Variants in RFX7 observed in about 807,000 individuals in gnomAD.
RFX7 encodes DNA-binding protein RFX7.
In RFX7, 26 loss-of-function variants were observed where a neutral mutation model predicts 111.8. That is an observed-to-expected ratio of 0.23 (90% CI 0.17 to 0.32). The LOEUF (loss-of-function observed/expected upper bound fraction) is 0.32. RFX7 is among the 10% of genes least tolerant of loss of function. The pLI, the probability that RFX7 is intolerant of heterozygous loss-of-function variation, is 1.00. For synonymous variants in RFX7, 624 were observed against 624.4 expected (o/e 1.00, Z 0.01); for missense variants, 1,573 against 1,772.9 (o/e 0.89, Z 2.02).
At chr15:56,147,142 T>C (rs1424230248) in intron 3 of RFX7, among the ~76,000 whole-genome samples, 1 of 152,140 alleles carries the variant, frequency 6.6e-6, no homozygotes, top group Admixed American at 6.6e-5. Context: ...TCGTTGGTGG[T>C]CAAAAAAAAT....
intron 5 of RFX7, among the ~76,000 whole-genome samples, chr15:56,104,876 A>G (rs985445168): frequency 9.2e-5 from 14 of 152,210 alleles, no homozygotes; most frequent in Non-Finnish European, 2.1e-4. Context: ...ACTAATGCGT[A>G]CTGAAAGTTT....
chr15:56,214,381 T>C (rs1176262816), intron 2 of RFX7, among the ~76,000 whole-genome samples: 1 of 152,202 alleles, frequency 6.6e-6, no homozygotes, highest in Non-Finnish European at 1.5e-5. Flanking sequence ...TCCATTTATT[T>C]ATGCCTACAT....
At chr15:56,111,101 G>A (rs111648086) in intron 5 of RFX7, among the ~76,000 whole-genome samples, 1 of 133,586 alleles carries the variant, frequency 7.5e-6, no homozygotes, top group African/African-American at 2.7e-5. Context: ...CCCCTACTGG[G>A]AAGTGAGGAG....
chr15:56,245,003 G>C (rs1467096743), upstream of RFX7, among the ~76,000 whole-genome samples: 3 of 152,106 alleles, frequency 2.0e-5, no homozygotes, highest in Non-Finnish European at 4.4e-5. Flanking sequence ...ACCTTTCTTT[G>C]GGCCCGTGGG....
chr15:56,155,895 T>A (rs1254155186), intron 3 of RFX7, among the ~76,000 whole-genome samples: 1 of 152,112 alleles, frequency 6.6e-6, no homozygotes, highest in Non-Finnish European at 1.5e-5. Flanking sequence ...TAATTACATT[T>A]ATCAGAATGG....
chr15:56,237,141 T>C (rs1424914990), intron 2 of RFX7, among the ~76,000 whole-genome samples: 4 of 152,208 alleles, frequency 2.6e-5, no homozygotes, highest in Non-Finnish European at 5.9e-5. Context: ...AGTAACAGTG[T>C]TAGAATCTCA....
intron 5 of RFX7, among the ~76,000 whole-genome samples, chr15:56,109,970 A>G (rs1336488481): frequency 9.2e-4 from 79 of 85,862 alleles, no homozygotes; most frequent in South Asian, 2.3e-3. Context: ...AGGTGGGGGG[A>G]TCAGCCCCCT....
At chr15:56,179,625 A>G (rs1366964719) in intron 2 of RFX7, among the ~76,000 whole-genome samples, 1 of 152,256 alleles carries the variant, frequency 6.6e-6, no homozygotes, top group East Asian at 1.9e-4. Context: ...AGCTTACAAT[A>G]ATTATGATTT....
At chr15:56,226,310 T>C (rs1030682387) in intron 2 of RFX7, among the ~76,000 whole-genome samples, 2 of 152,128 alleles carry the variant, frequency 1.3e-5, no homozygotes, top group Admixed American at 6.5e-5. Context: ...CCTATCATAG[T>C]GACTATCAGG....
intron 3 of RFX7, among the ~76,000 whole-genome samples, chr15:56,160,535 A>G (rs2042708208): frequency 6.6e-6 from 1 of 152,050 alleles, no homozygotes; most frequent in South Asian, 2.1e-4. Context: ...CAAAACTCCA[A>G]AAAGAAATAC....
At chr15:56,214,938 C>T (rs1334853150) in intron 2 of RFX7, among the ~76,000 whole-genome samples, 3 of 152,112 alleles carry the variant, frequency 2.0e-5, no homozygotes, top group South Asian at 4.2e-4. Context: ...TTAAGTTTTA[C>T]TCATTTTTTT....
At chr15:56,120,353 C>T (rs1051744371) in intron 5 of RFX7, among the ~76,000 whole-genome samples, 1 of 152,134 alleles carries the variant, frequency 6.6e-6, no homozygotes, top group Non-Finnish European at 1.5e-5. Context: ...ATATTGTATC[C>T]TGCAACTTTA....
chr15:56,142,894 C>A lies in RFX7; in HGVS notation c.285G>T (p.Gln95His), dbSNP rs1258798186. 9.3e-6 allele frequency: 15 copies of A among 1,613,318 alleles called. No individual in the cohort carries two copies. The highest frequency in any genetic ancestry group is 1.2e-5 in the Non-Finnish European group (14 of 1,179,684). The change falls in exon 5 of 10, where the codon CAG becomes CAT. Residue 95 changes from glutamine (Q) to histidine (H), a missense_variant. Transcript: ENST00000559447. ...SGLSNGEKSD[Q>H]NAMSSSRAQQ... is the part of the protein sequence containing the mutation. ...GTGCCCGACTAGATGACATGGCATT[C>A]TGATCACTAATAGAATGAAAACATG...
chr15:56,105,593 A>G (rs1321566731), intron 5 of RFX7, among the ~76,000 whole-genome samples: 3 of 152,204 alleles, frequency 2.0e-5, no homozygotes, highest in African/African-American at 7.2e-5. Context: ...CATTTGAGAG[A>G]TAATATATCC....
chr15:56,093,380 T>C lies in RFX7; in HGVS notation c.4348A>G (p.Ser1450Gly). Residue 1450 changes from serine to glycine, a missense_variant, in exon 10 of 10, where the codon AGC becomes GGC. By Grantham distance (56) the Ser-to-Gly change is moderately conservative. This residue lies in a region of RFX7 where 411 missense variants were observed against 478.1 expected (regional missense o/e 0.86). Transcript: ENST00000559447. Reference sequence around the variant, plus strand: ...ATTTCAACAGTAGGATGGTCCTTGCTTTCTATCCATTCAAAACCTGATGAA... The same window carrying C: ...ATTTCAACAGTAGGATGGTCCTTGCCTTCTATCCATTCAAAACCTGATGAA... ...MTSSGFEWIE[S>G]KDHPTVEMLG 2 of 1,613,174 alleles carry C rather than the reference T, an allele frequency of 1.2e-6. No homozygotes were observed. Among genetic ancestry groups the C allele is most frequent in the Non-Finnish European group, 1.7e-6 (2 of 1,179,486 alleles).
In RFX7 at chr15:56,095,690, G is replaced by C; in HGVS notation, c.2038C>G (p.Leu680Val). ...PPVKKPIVEQ[L>V]SAATIEGQKQ... ...TGCCCTTCTATGGTAGCTGCTGAAA[G>C]CTGTTCCACAATTGGTTTCTTTACA... Residue 680 changes from leucine to valine, a missense_variant, in exon 10 of 10, where the codon CTT becomes GTT. Coordinates refer to ENST00000559447, the MANE Select transcript of RFX7 (RefSeq NM_022841.7). The C allele has an allele frequency of 6.2e-7, 1 of 1,613,992 alleles. No individual in the cohort carries two copies. Among genetic ancestry groups the C allele is most frequent in the Non-Finnish European group, 8.5e-7 (1 of 1,179,878 alleles).
rs1566998695 is a variant in RFX7, at chr15:56,087,757, T to C, written c.*5588A>G. On this transcript the variant is annotated 3_prime_UTR_variant, in exon 10 of 10. Coordinates refer to ENST00000559447, the MANE Select transcript of RFX7 (RefSeq NM_022841.7). ...CATTCACTGTGTCTTTTTCATTATATTGCAAAATTTCAAAATGGCAGGTGT... is the reference window on the plus strand; with the variant it reads ...CATTCACTGTGTCTTTTTCATTATACTGCAAAATTTCAAAATGGCAGGTGT... The C allele has an allele frequency of 5.9e-6, 2 of 339,460 alleles. No individual in the cohort carries two copies. Among genetic ancestry groups the C allele is most frequent in the Non-Finnish European group, 1.2e-5 (2 of 171,862 alleles). 21.0% of individuals were successfully genotyped at this position (339,460 alleles called of 1,614,324 possible).
At chr15:56,135,442 A>G (rs1343084131) in intron 5 of RFX7, among the ~76,000 whole-genome samples, 5,846 of 151,272 alleles carry the variant, frequency 0.039, 402 homozygotes, top group African/African-American at 0.13. Context: ...CATGTCCTTC[A>G]CCCACTTTTT....
intron 5 of RFX7, among the ~76,000 whole-genome samples, chr15:56,106,062 C>A (rs2041825720): frequency 6.6e-6 from 1 of 152,158 alleles, no homozygotes; most frequent in Non-Finnish European, 1.5e-5. Flanking sequence ...GATTACTTAG[C>A]TCAAAGAGGG....
Sources: gnomAD v4.1 joint callset for allele counts (sites outside exome capture counted in the v4.1 genomes callset) on GRCh38, gnomAD v4.1.1 for gene constraint, gnomAD v4.1.1 regional missense constraint, MANE v1.5 for transcripts, NCBI Gene and HGNC (gene_info 2026-07-23, HGNC 2026-07-21) for gene names.